Variants in MPPED2 observed in about 807,000 individuals in gnomAD.
MPPED2 encodes metallophosphoesterase domain containing 2.
Under a neutral mutation model 33.0 loss-of-function variants are expected in MPPED2, and 5 were observed. That is an observed-to-expected ratio of 0.15 (90% CI 0.08 to 0.32). MPPED2 has a LOEUF of 0.32. Ranked by LOEUF, MPPED2 falls within the 10% of genes least tolerant of loss-of-function variation. The pLI, the probability that MPPED2 is intolerant of heterozygous loss-of-function variation, is 1.00. For synonymous variants in MPPED2, 136 were observed against 141.9 expected (o/e 0.96, Z 0.29); for missense variants, 275 against 372.1 (o/e 0.74, Z 2.15).
intron 3 of MPPED2, among the ~76,000 whole-genome samples, chr11:30,520,758 G>A (rs1442693088): frequency 6.6e-6 from 1 of 152,090 alleles, no homozygotes; most frequent in African/African-American, 2.4e-5. Context: ...AAAAATAGGG[G>A]AGAATTTTAT....
intron 2 of MPPED2, among the ~76,000 whole-genome samples, chr11:30,558,409 CT>C (rs113061596): frequency 0.12 from 18,118 of 147,270 alleles, 3,043 homozygotes; most frequent in African/African-American, 0.39. Flanking sequence ...TTGCTTCCTT[CT>C]TTTTTTTTTT....
Position 30,410,668 on chromosome 11 carries a change from C to A in MPPED2, c.*800G>T. ...CCCTTTGCAGTTGTACTGTCCTTGACAATAATAAACTCCTAACGTAGTCAT... is the reference window on the plus strand; with the variant it reads ...CCCTTTGCAGTTGTACTGTCCTTGAAAATAATAAACTCCTAACGTAGTCAT... On this transcript the variant is annotated 3_prime_UTR_variant, in exon 7 of 7. Transcript: ENST00000358117. 1 of 985,442 alleles carries A rather than the reference C, an allele frequency of 1.0e-6. No individual in the cohort carries two copies. The highest frequency in any genetic ancestry group is 1.2e-6 in the Non-Finnish European group (1 of 829,642). 61.0% of individuals were successfully genotyped at this position (985,442 alleles called of 1,614,324 possible). A position where few individuals can be genotyped will look rare whatever the true frequency, so the allele number is the denominator to read the frequency against.
At chr11:30,489,368 G>A (rs1459284470) in intron 4 of MPPED2, among the ~76,000 whole-genome samples, 3 of 152,214 alleles carry the variant, frequency 2.0e-5, no homozygotes, top group African/African-American at 7.2e-5. Context: ...CTATTTGTGT[G>A]CAAACACAAT....
intron 3 of MPPED2, among the ~76,000 whole-genome samples, chr11:30,527,554 G>A (rs1443353479): frequency 2.0e-5 from 3 of 151,988 alleles, no homozygotes; most frequent in African/African-American, 4.8e-5. Context: ...AAATGGGGAA[G>A]AGGGAAAGGG....
intron 4 of MPPED2, among the ~76,000 whole-genome samples, chr11:30,438,445 G>A (rs1247304635): frequency 3.3e-5 from 5 of 152,094 alleles, no homozygotes; most frequent in African/African-American, 4.8e-5. Context: ...CAAAGTGGCT[G>A]AGCTAGGTTT....
intron 3 of MPPED2, among the ~76,000 whole-genome samples, chr11:30,522,794 C>T (rs914903054): frequency 6.6e-6 from 1 of 152,158 alleles, no homozygotes; most frequent in African/African-American, 2.4e-5. Flanking sequence ...GTGGAGTGAG[C>T]TAATGATTTG....
chr11:30,422,450 T>C (rs1417814638), intron 4 of MPPED2, among the ~76,000 whole-genome samples: 1 of 151,742 alleles, frequency 6.6e-6, no homozygotes, highest in Non-Finnish European at 1.5e-5. Context: ...AGGGACCAAG[T>C]CTAGTGTGAG....
At chr11:30,408,320 C>T (rs1948021836), downstream of MPPED2, among the ~76,000 whole-genome samples, 1 of 152,016 alleles carries the variant, frequency 6.6e-6, no homozygotes, top group African/African-American at 2.4e-5. Context: ...GCCAGTCTCT[C>T]TTTTTTTTCT....
chr11:30,476,318 T>G lies in MPPED2; in HGVS notation c.536+18978A>C, dbSNP rs1951193942. ...GTTGTTTATGTTTTTTGTGTCCGAA[T>G]CTAAGAAATTTTGCCCATTCCAAGG... On this transcript the variant is annotated intron_variant, in intron 4 of 6. Transcript: ENST00000358117. 1.3e-5 allele frequency among the ~76,000 whole-genome samples: 2 copies of G among 152,022 alleles called. 1 individual carries two copies. Among genetic ancestry groups the G allele is most frequent in the South Asian group, 4.1e-4 (2 of 4,826 alleles).
chr11:30,561,304 A>C (rs1956229708), intron 2 of MPPED2, among the ~76,000 whole-genome samples: 1 of 152,180 alleles, frequency 6.6e-6, no homozygotes, highest in Admixed American at 6.5e-5. Flanking sequence ...TTCCAGAGCC[A>C]CTGTTTTTAA....
chr11:30,409,257 A>C (rs745495235), downstream of MPPED2, among the ~76,000 whole-genome samples: 8 of 151,860 alleles, frequency 5.3e-5, no homozygotes, highest in South Asian at 8.4e-4. Flanking sequence ...TGTACCTCTC[A>C]CTCCAACCCC....
At chr11:30,395,216 G>A (rs1401242851) in intron 6 of MPPED2, among the ~76,000 whole-genome samples, 1 of 152,104 alleles carries the variant, frequency 6.6e-6, no homozygotes, top group East Asian at 1.9e-4. Context: ...AGAAAAATGG[G>A]CTTTTATTGA....
chr11:30,529,600 G>A (rs1313046291), intron 3 of MPPED2, among the ~76,000 whole-genome samples: 1 of 152,118 alleles, frequency 6.6e-6, no homozygotes, highest in Non-Finnish European at 1.5e-5. Flanking sequence ...AGTTACATCT[G>A]TTCATAGGTA....
At chr11:30,457,908 A>G (rs1950348985) in intron 4 of MPPED2, among the ~76,000 whole-genome samples, 1 of 152,178 alleles carries the variant, frequency 6.6e-6, no homozygotes. Context: ...ATCCTAACAC[A>G]TTAAATTCCT....
At chr11:30,495,566 T>C (rs370089568) in intron 3 of MPPED2, 45 bp from the exon 4 acceptor site, 30 of 1,439,632 alleles carry the variant, frequency 2.1e-5, no homozygotes, top group Non-Finnish European at 2.6e-5. Flanking sequence ...TCATTTCCCA[T>C]CACAAAGTAC....
intron 3 of MPPED2, among the ~76,000 whole-genome samples, chr11:30,520,413 A>AT (rs898928097): frequency 9.2e-5 from 14 of 152,212 alleles, no homozygotes; most frequent in South Asian, 2.1e-4. Flanking sequence ...AAATTAAGTC[A>AT]TTTTTTCCCT....
intron 2 of MPPED2, among the ~76,000 whole-genome samples, chr11:30,550,254 C>T (rs779716050): frequency 1.3e-5 from 2 of 151,948 alleles, no homozygotes; most frequent in East Asian, 1.9e-4. Flanking sequence ...AACAAATCAG[C>T]CCCTGGTTCC....
chr11:30,410,757 T>G lies in MPPED2; in HGVS notation c.*711A>C, dbSNP rs1948072914. The G allele has an allele frequency of 1.0e-6, 1 of 984,942 alleles. No individual in the cohort carries two copies. The highest frequency in any genetic ancestry group is 1.2e-6 in the Non-Finnish European group (1 of 829,184). The allele number at this position is 984,942 out of a possible 1,614,324, so 61.0% of individuals were successfully genotyped here. ...AAAAGGAGTCTGCATGTTCATTTTT[T>G]TAACCGTATGAAATACCTGCTCTTG... On this transcript the variant is annotated 3_prime_UTR_variant, in exon 7 of 7. Coordinates refer to ENST00000358117, the MANE Select transcript of MPPED2 (RefSeq NM_001584.3).
At chr11:30,459,178 C>T (rs1950420761) in intron 4 of MPPED2, among the ~76,000 whole-genome samples, 1 of 151,950 alleles carries the variant, frequency 6.6e-6, no homozygotes, top group South Asian at 2.1e-4. Context: ...CCGCCCGCCT[C>T]GGCCTCCCAA....
Sources: gnomAD v4.1 joint callset for allele counts (sites outside exome capture counted in the v4.1 genomes callset) on GRCh38, gnomAD v4.1.1 for gene constraint, MANE v1.5 for transcripts, NCBI Gene and HGNC (gene_info 2026-07-23, HGNC 2026-07-21) for gene names.